Variants in FYB1 observed in about 807,000 individuals in gnomAD.
The protein encoded by FYB1 is FYN-binding protein 1.
Under a neutral mutation model 94.1 loss-of-function variants are expected in FYB1, and 41 were observed. The observed-to-expected ratio is 0.44, with a 90% CI of 0.34 to 0.57. The LOEUF is 0.57. Ranked by LOEUF, FYB1 falls within the 20% of genes least tolerant of loss-of-function variation. FYB1 has a pLI of 0.02. For missense variants in FYB1, 1,050 were observed against 976.8 expected (o/e 1.07, Z -1.00); for synonymous variants, 367 against 353.2 (o/e 1.04, Z -0.44).
At chr5:39,248,844 G>T (rs1324323529) in intron 1 of FYB1, among the ~76,000 whole-genome samples, 4 of 152,006 alleles carry the variant, frequency 2.6e-5, no homozygotes, top group Admixed American at 6.6e-5. Context: ...CTCCAGGTAG[G>T]GTAGCCTAAA....
At chr5:39,157,277 C>G (rs1282182111) in intron 2 of FYB1, among the ~76,000 whole-genome samples, 1 of 152,158 alleles carries the variant, frequency 6.6e-6, no homozygotes, top group African/African-American at 2.4e-5. Context: ...CATTAGCAAA[C>G]TGTCCTACAA....
intron 1 of FYB1, among the ~76,000 whole-genome samples, chr5:39,244,398 A>G (rs950862953): frequency 2.2e-5 from 3 of 139,156 alleles, no homozygotes; most frequent in Non-Finnish European, 4.4e-5. Flanking sequence ...TATTGAGATA[A>G]TCATGTTTTT....
chr5:39,155,218 C>T (rs138716368), intron 2 of FYB1, among the ~76,000 whole-genome samples: 2 of 152,170 alleles, frequency 1.3e-5, no homozygotes, highest in Admixed American at 1.3e-4. Context: ...CTCCCTCTTG[C>T]CAAAGCTCTT....
intron 2 of FYB1, chr5:39,169,097 G>C (rs1463004724): frequency 1.6e-6 from 1 of 628,114 alleles, no homozygotes; most frequent in African/African-American, 1.8e-5. Flanking sequence ...TTAAAAGCTT[G>C]TAGTGATAAA....
At chr5:39,207,356 T>C (rs927804866) in intron 1 of FYB1, among the ~76,000 whole-genome samples, 2 of 152,222 alleles carry the variant, frequency 1.3e-5, no homozygotes, top group Non-Finnish European at 2.9e-5. Context: ...CCATATATTT[T>C]GCCTTTCCTC....
At chr5:39,171,051 G>C (rs926962900) in intron 2 of FYB1, among the ~76,000 whole-genome samples, 1 of 152,152 alleles carries the variant, frequency 6.6e-6, no homozygotes, top group Non-Finnish European at 1.5e-5. Context: ...AGTTTGGGAG[G>C]CTGAGGCGGA....
intron 2 of FYB1, among the ~76,000 whole-genome samples, chr5:39,155,387 T>C (rs1743655334): frequency 6.6e-6 from 1 of 152,186 alleles, no homozygotes; most frequent in Non-Finnish European, 1.5e-5. Context: ...ATAGTTCTTC[T>C]TTTGCAGCTA....
At chr5:39,210,832 G>A (rs542943300) in intron 1 of FYB1, among the ~76,000 whole-genome samples, 6 of 152,248 alleles carry the variant, frequency 3.9e-5, no homozygotes, top group Admixed American at 3.9e-4. Flanking sequence ...GCAACGTGGC[G>A]AGAGCCTGTC....
intron 1 of FYB1, among the ~76,000 whole-genome samples, chr5:39,258,158 G>A (rs1752046398): frequency 6.6e-6 from 1 of 152,184 alleles, no homozygotes; most frequent in Non-Finnish European, 1.5e-5. Context: ...ATAGGTTGGA[G>A]TAGGGGTGAA....
intron 17 of FYB1, among the ~76,000 whole-genome samples, chr5:39,109,965 GCA>G (rs1276545480): frequency 6.6e-6 from 1 of 152,082 alleles, no homozygotes; most frequent in Non-Finnish European, 1.5e-5. Context: ...GGTGATATTA[GCA>G]CCTACTATGA....
chr5:39,229,173 T>A (rs776141665), intron 1 of FYB1, among the ~76,000 whole-genome samples: 1 of 152,058 alleles, frequency 6.6e-6, no homozygotes, highest in Non-Finnish European at 1.5e-5. Flanking sequence ...AGTGGATGAA[T>A]CTTTTAGAAG....
At chr5:39,138,426 G>C in intron 6 of FYB1, 1 of 376,596 alleles carries the variant, frequency 2.7e-6, no homozygotes, top group Non-Finnish European at 4.8e-6. Context: ...GTTTATCTCA[G>C]AGGCATGTCT....
intron 1 of FYB1, among the ~76,000 whole-genome samples, chr5:39,232,399 A>G (rs914401095): frequency 9.9e-5 from 15 of 152,214 alleles, no homozygotes; most frequent in Admixed American, 2.6e-4. Context: ...GCAATAACCC[A>G]CAGATGTGCA....
intron 1 of FYB1, among the ~76,000 whole-genome samples, chr5:39,268,145 G>A (rs754871825): frequency 5.3e-5 from 8 of 151,922 alleles, no homozygotes; most frequent in Non-Finnish European, 1.0e-4. Flanking sequence ...TGACATTCTC[G>A]AAGGATCTGT....
chr5:39,124,254 C>A lies in FYB1; in HGVS notation c.2070G>T (p.Leu690Phe), dbSNP rs1289461756. 13 of 1,558,068 alleles carry A rather than the reference C, an allele frequency of 8.3e-6. No individual in the cohort carries two copies. The highest frequency in any genetic ancestry group is 1.0e-5 in the Non-Finnish European group (12 of 1,153,126). ...GSSFPAPPKQ[L>F]DMGDEVYDDV... Reference sequence around the variant, plus strand: ...ATACAATCAGTTTTTATTACTTACCCAATTGTTTAGGAGGAGCAGGGAAAC... The same window carrying A: ...ATACAATCAGTTTTTATTACTTACCAAATTGTTTAGGAGGAGCAGGGAAAC... The change falls in exon 13 of 19, where the codon TTG becomes TTT. Residue 690 changes from leucine (L) to phenylalanine (F), a missense_variant and splice_region_variant. Transcript: ENST00000512982.
intron 2 of FYB1, among the ~76,000 whole-genome samples, chr5:39,182,090 G>A (rs1250415803): frequency 4.1e-5 from 6 of 146,842 alleles, no homozygotes; most frequent in Non-Finnish European, 6.2e-5. Flanking sequence ...TCATGTTTAG[G>A]CTTAAGCCCC....
At chr5:39,117,094 A>G (rs1739644848) in intron 16 of FYB1, among the ~76,000 whole-genome samples, 1 of 152,140 alleles carries the variant, frequency 6.6e-6, no homozygotes. Context: ...AAAATGTGAA[A>G]TTATTTGGAA....
chr5:39,259,381 G>T (rs1190353258), intron 1 of FYB1, among the ~76,000 whole-genome samples: 1 of 152,238 alleles, frequency 6.6e-6, no homozygotes, highest in African/African-American at 2.4e-5. Flanking sequence ...TATGCGAAAT[G>T]TCCAGAATTA....
At chr5:39,146,320 T>C (rs1483547026) in intron 3 of FYB1, among the ~76,000 whole-genome samples, 2 of 152,170 alleles carry the variant, frequency 1.3e-5, no homozygotes, top group African/African-American at 2.4e-5. Flanking sequence ...CATCCATTCA[T>C]CCATTATAGT....
Sources: gnomAD v4.1 joint callset for allele counts (sites outside exome capture counted in the v4.1 genomes callset) on GRCh38, gnomAD v4.1.1 for gene constraint, MANE v1.5 for transcripts, NCBI Gene and HGNC (gene_info 2026-07-23, HGNC 2026-07-21) for gene names.